The following ARFGEF2 variants were observed in gnomAD, a reference collection of about 807,000 sequenced individuals.
The protein encoded by ARFGEF2 is brefeldin A-inhibited guanine nucleotide-exchange protein 2.
Under a neutral mutation model 219.9 loss-of-function variants are expected in ARFGEF2, and 74 were observed. The observed-to-expected ratio is 0.34, with a 90% CI of 0.28 to 0.41. ARFGEF2 has a LOEUF of 0.41. Ranked by LOEUF, ARFGEF2 falls within the 10% of genes least tolerant of loss-of-function variation. The pLI, the probability that ARFGEF2 is intolerant of heterozygous loss-of-function variation, is 1.00. For synonymous variants in ARFGEF2, 733 were observed against 799.2 expected (o/e 0.92, Z 1.40); for missense variants, 1,743 against 2,218.3 (o/e 0.79, Z 4.30).
At chr20:48,972,159 C>T (rs1421162810) in intron 10 of ARFGEF2, among the ~76,000 whole-genome samples, 167 bp from the exon 11 acceptor site, 2 of 152,188 alleles carry the variant, frequency 1.3e-5, no homozygotes, top group Non-Finnish European at 2.9e-5. Context: ...GCCGTCCCCA[C>T]CAAGGCCAGG....
intron 3 of ARFGEF2, among the ~76,000 whole-genome samples, chr20:48,949,761 A>G (rs1453152528): frequency 1.3e-5 from 2 of 152,136 alleles, no homozygotes; most frequent in Non-Finnish European, 2.9e-5. Context: ...AGATAACCTC[A>G]GGAACCTGAG....
chr20:49,021,097 C>T lies in ARFGEF2; in HGVS notation c.4625-1954C>T, dbSNP rs570384505. Among the ~76,000 whole-genome samples the T allele has an allele frequency of 3.9e-5, 6 of 152,152 alleles. No homozygotes were observed. The South Asian group carries it at 6.2e-4, about 16-fold the overall frequency. ...AAACAATCTACATGGAGAATTGTTACGTGTTTTTATAATTTCATAACTGGC... is the reference window on the plus strand; with the variant it reads ...AAACAATCTACATGGAGAATTGTTATGTGTTTTTATAATTTCATAACTGGC... On this transcript the variant is annotated intron_variant, in intron 34 of 38. Transcript: ENST00000371917.
Position 48,966,027 on chromosome 20 carries a change from T to C in ARFGEF2, c.1059+4T>C, listed in dbSNP as rs774227629. 4 of 1,614,026 alleles carry C rather than the reference T, an allele frequency of 2.5e-6. No homozygotes were observed. The Admixed American group carries it at 5.0e-5, about 20-fold the overall frequency. On this transcript the variant is annotated splice_donor_region_variant and intron_variant, in intron 8 of 38. Transcript: ENST00000371917. ...CTTGTCGTCAGCAGATAATCTGGTA[T>C]GTTGGTGATCATCCTCTGTGGACTT... is the stretch of plus-strand genomic sequence containing the variant.
Position 49,023,104 on chromosome 20 carries a change from A to T in ARFGEF2, c.4678A>T (p.Ile1560Leu). The T allele has an allele frequency of 6.2e-7, 1 of 1,614,224 alleles. No individual in the cohort carries two copies. The highest frequency in any genetic ancestry group is 2.2e-5 in the East Asian group (1 of 44,888). ...LIKCVVQLEL[I>L]QTIDNIVFYP... ...CAAGTGTGTGGTCCAGTTGGAATTGATACAGACCATTGACAACATTGTGTT... is the reference window on the plus strand; with the variant it reads ...CAAGTGTGTGGTCCAGTTGGAATTGTTACAGACCATTGACAACATTGTGTT... The change falls in exon 35 of 39, where the codon ATA (isoleucine) becomes TTA (leucine). Residue 1560 changes from isoleucine to leucine, a missense_variant. Coordinates refer to ENST00000371917, the MANE Select transcript of ARFGEF2 (RefSeq NM_006420.3).
intron 6 of ARFGEF2, among the ~76,000 whole-genome samples, chr20:48,958,726 G>A (rs1295139019): frequency 6.6e-6 from 1 of 152,150 alleles, no homozygotes; most frequent in African/African-American, 2.4e-5. Flanking sequence ...ACAGGTGTGA[G>A]CCACCGTGCC....
Position 48,958,685 on chromosome 20 carries a change from G to T in ARFGEF2, c.838+4895G>T, listed in dbSNP as rs374045665. ...TCTCGATCTCCTGACCTCGTGATCT[G>T]CCCACCTCGGCTTCCCAAAGTGCTG... On this transcript the variant is annotated intron_variant, in intron 6 of 38. Coordinates refer to ENST00000371917, the MANE Select transcript of ARFGEF2 (RefSeq NM_006420.3). Among the ~76,000 whole-genome samples, 16 of 152,000 alleles carry T rather than the reference G, an allele frequency of 1.1e-4. 1 individual carries two copies. The highest frequency in any genetic ancestry group is 8.3e-4 in the South Asian group (4 of 4,818).
chr20:48,986,982 A>G (rs916050086), intron 16 of ARFGEF2, among the ~76,000 whole-genome samples: 1 of 152,162 alleles, frequency 6.6e-6, no homozygotes, highest in Admixed American at 6.5e-5. Flanking sequence ...GGGATTTACA[A>G]ATGTGAGCTA....
chr20:48,986,155 G>A (rs559448490), intron 16 of ARFGEF2, among the ~76,000 whole-genome samples: 66 of 152,206 alleles, frequency 4.3e-4, no homozygotes, highest in Non-Finnish European at 6.2e-4. Flanking sequence ...AATACCTCCT[G>A]TGTGTGGGCC....
intron 38 of ARFGEF2, 108 bp from the exon 39 acceptor site, chr20:49,032,915 A>G: frequency 9.0e-7 from 1 of 1,115,930 alleles, no homozygotes; most frequent in Non-Finnish European, 1.3e-6. Context: ...TAGCAAGAAA[A>G]GCACCAATAT....
At chr20:48,926,870 C>T (rs1188972924) in intron 1 of ARFGEF2, among the ~76,000 whole-genome samples, 1 of 152,180 alleles carries the variant, frequency 6.6e-6, no homozygotes, top group Non-Finnish European at 1.5e-5. Flanking sequence ...AACGTAGCTG[C>T]AGCACATGAT....
intron 31 of ARFGEF2, among the ~76,000 whole-genome samples, chr20:49,016,924 AATGT>A (rs2091534448): frequency 6.6e-6 from 1 of 152,220 alleles, no homozygotes; most frequent in African/African-American, 2.4e-5. Flanking sequence ...AAAAATTGGA[AATGT>A]AATGTATGAG....
At chr20:48,952,998 C>A in intron 5 of ARFGEF2, 114 bp downstream of exon 5, 1 of 1,085,298 alleles carries the variant, frequency 9.2e-7, no homozygotes, top group Admixed American at 1.9e-5. Flanking sequence ...ACCCCTTCTT[C>A]CTGTGGATTC....
At chr20:48,994,966 G>A (rs999551002) in intron 22 of ARFGEF2, among the ~76,000 whole-genome samples, 1 of 152,048 alleles carries the variant, frequency 6.6e-6, no homozygotes, top group African/African-American at 2.4e-5. Flanking sequence ...TTATTGGGGG[G>A]CTTTTATTAA....
chr20:48,967,699 T>C (rs75652650), intron 8 of ARFGEF2, among the ~76,000 whole-genome samples: 2,613 of 152,330 alleles, frequency 0.017, 30 homozygotes, highest in Non-Finnish European at 0.026. Flanking sequence ...GTCAGTCTTC[T>C]GGGAAGGTAC....
intron 9 of ARFGEF2, among the ~76,000 whole-genome samples, chr20:48,970,471 A>C (rs879711778): frequency 6.6e-6 from 1 of 151,656 alleles, no homozygotes. Context: ...TTAGCCGGGC[A>C]TGGTGGCAGG....
chr20:49,033,231 G>T lies in ARFGEF2; in HGVS notation c.*32G>T, dbSNP rs755592884. The T allele has an allele frequency of 5.6e-6, 9 of 1,612,908 alleles. No individual in the cohort carries two copies. The East Asian group carries it at 1.6e-4, about 28-fold the overall frequency. On this transcript the variant is annotated 3_prime_UTR_variant, in exon 39 of 39. Coordinates refer to ENST00000371917, the MANE Select transcript of ARFGEF2 (RefSeq NM_006420.3). ...CTGCCCAGGCCAGTGCTGCAGCTCTGCAGAATGTTCAGCATGCCATTTCTG... is the reference window on the plus strand; with the variant it reads ...CTGCCCAGGCCAGTGCTGCAGCTCTTCAGAATGTTCAGCATGCCATTTCTG...
chr20:48,978,205 GTTTTCCCAGCACCA>G (rs2091274105), intron 14 of ARFGEF2, among the ~76,000 whole-genome samples: 1 of 152,154 alleles, frequency 6.6e-6, no homozygotes, highest in Non-Finnish European at 1.5e-5. Flanking sequence ...TGGCTAGCCA[GTTTTCCCAGCACCA>G]TTTATTAAAT....
chr20:49,005,294 C>A (rs2091450857), intron 26 of ARFGEF2, 73 bp downstream of exon 26: 1 of 1,572,862 alleles, frequency 6.4e-7, no homozygotes, highest in African/African-American at 1.4e-5. Flanking sequence ...CTAACACTAA[C>A]CACATGATTA....
intron 1 of ARFGEF2, among the ~76,000 whole-genome samples, chr20:48,933,155 T>C (rs1263721953): frequency 6.6e-5 from 10 of 152,174 alleles, no homozygotes; most frequent in Admixed American, 6.5e-4. Flanking sequence ...CCCACCCTGC[T>C]CCAGTCTCCC....
Sources: gnomAD v4.1 joint callset for allele counts (sites outside exome capture counted in the v4.1 genomes callset) on GRCh38, gnomAD v4.1.1 for gene constraint, MANE v1.5 for transcripts, NCBI Gene and HGNC (gene_info 2026-07-23, HGNC 2026-07-21) for gene names.